Variants in CRYBG1 observed in about 807,000 individuals in gnomAD.
CRYBG1 encodes the protein beta/gamma crystallin domain-containing protein 1.
CRYBG1 carries 139 observed loss-of-function variants against 189.2 expected under a neutral mutation model. That is an observed-to-expected ratio of 0.73 (90% CI 0.64 to 0.85). The LOEUF (loss-of-function observed/expected upper bound fraction) is 0.85, where lower values mean the gene tolerates loss of function less well. Among genes scored for constraint, CRYBG1 ranks in the 40% least tolerant of loss-of-function variants. CRYBG1 has a pLI of 0.00. For missense variants in CRYBG1, 2,611 were observed against 2,675.8 expected, an observed-to-expected ratio of 0.98 and a Z score of 0.53; for synonymous variants, 1,023 against 1,017.1, an observed-to-expected ratio of 1.01 and a Z score of -0.11.
intron 21 of CRYBG1, among the ~76,000 whole-genome samples, 187 bp downstream of exon 21, chr6:106,564,113 C>T (rs1028451060): frequency 6.6e-6 from 1 of 152,082 alleles, no homozygotes; most frequent in Non-Finnish European, 1.5e-5. Context: ...TCACAGCCGC[C>T]CTATGAGGCC....
At chr6:106,543,628 T>C in intron 11 of CRYBG1, 31 bp downstream of exon 11, 1 of 1,584,662 alleles carries the variant, frequency 6.3e-7, no homozygotes, top group Non-Finnish European at 8.6e-7. Flanking sequence ...TTAGGATTTC[T>C]TTTTTTTCCG....
chr6:106,440,953 C>T (rs914327719), intron 1 of CRYBG1, among the ~76,000 whole-genome samples: 15 of 152,062 alleles, frequency 9.9e-5, no homozygotes, highest in East Asian at 3.8e-4. Context: ...TGATTTATAA[C>T]GATGTCCTTT....
chr6:106,446,873 C>G (rs1340613), intron 1 of CRYBG1, among the ~76,000 whole-genome samples: 2 of 152,064 alleles, frequency 1.3e-5, no homozygotes, highest in Non-Finnish European at 2.9e-5. Context: ...ACAGTCTTGC[C>G]GTTATTAATT....
chr6:106,437,955 A>C (rs958900236), intron 1 of CRYBG1, among the ~76,000 whole-genome samples: 5 of 152,250 alleles, frequency 3.3e-5, no homozygotes, highest in African/African-American at 1.2e-4. Flanking sequence ...ATTCTCTCTC[A>C]GTACTTCTTG....
chr6:106,446,597 T>C (rs886264070), intron 1 of CRYBG1, among the ~76,000 whole-genome samples: 1 of 152,230 alleles, frequency 6.6e-6, no homozygotes, highest in Non-Finnish European at 1.5e-5. Context: ...TTATTTAACT[T>C]GCCTTATATT....
intron 17 of CRYBG1, among the ~76,000 whole-genome samples, chr6:106,558,093 ACAT>A (rs1218409639): frequency 1.3e-5 from 2 of 152,220 alleles, no homozygotes; most frequent in East Asian, 3.8e-4. Flanking sequence ...AAGTGACTAA[ACAT>A]CAGATGCCAC....
At chr6:106,460,553 G>A (rs951956755) in intron 2 of CRYBG1, among the ~76,000 whole-genome samples, 3 of 152,022 alleles carry the variant, frequency 2.0e-5, no homozygotes, top group African/African-American at 7.2e-5. Flanking sequence ...TTATGGGGGT[G>A]GGGAATTGTG....
chr6:106,479,629 A>G (rs1369388829), intron 2 of CRYBG1, among the ~76,000 whole-genome samples: 1 of 152,194 alleles, frequency 6.6e-6, no homozygotes, highest in Admixed American at 6.5e-5. Context: ...GTGGGTGTGA[A>G]ATAGTATCTC....
intron 2 of CRYBG1, among the ~76,000 whole-genome samples, chr6:106,465,723 C>T (rs1160761499): frequency 1.3e-5 from 2 of 152,124 alleles, no homozygotes; most frequent in Non-Finnish European, 2.9e-5. Context: ...TATTATGTTG[C>T]TTTTTAAAAG....
intron 2 of CRYBG1, among the ~76,000 whole-genome samples, chr6:106,510,388 G>A (rs966454304): frequency 6.6e-6 from 1 of 152,190 alleles, no homozygotes; most frequent in African/African-American, 2.4e-5. Flanking sequence ...TGGCGGGTTT[G>A]CTTTTATTGG....
chr6:106,483,401 T>TATATATATATATATATATATATATATATA, intron 2 of CRYBG1, among the ~76,000 whole-genome samples: 1 of 95,712 alleles, frequency 1.0e-5, no homozygotes, highest in African/African-American at 3.0e-5. Flanking sequence ...GATATATATA[T>TATATATATATATATATATATATATATATA]AAAACATTTT....
intron 2 of CRYBG1, among the ~76,000 whole-genome samples, chr6:106,483,378 G>GTGTGTGTGTGTATATATATATA (rs1347885031): frequency 1.8e-5 from 2 of 113,692 alleles, no homozygotes; most frequent in African/African-American, 5.4e-5. Flanking sequence ...GTGTGTGTGT[G>GTGTGTGTGTGTATATATATATA]TATATATATA....
chr6:106,444,301 C>T (rs1225551982), intron 1 of CRYBG1, among the ~76,000 whole-genome samples: 1 of 152,166 alleles, frequency 6.6e-6, no homozygotes, highest in Non-Finnish European at 1.5e-5. Context: ...ACTTGTCCAA[C>T]TTGACTCTTA....
chr6:106,461,750 C>CG lies in CRYBG1; in HGVS notation c.312+9921dup, dbSNP rs1772011383. Among the ~76,000 whole-genome samples the CG allele has an allele frequency of 2.0e-5, 3 of 152,084 alleles. No homozygotes were observed. The South Asian group carries it at 6.2e-4, about 32-fold the overall frequency. Reference sequence around the variant, plus strand: ...TCCTACAAAACTTCCTGTTCTCTCTCGGGAAAAATAGGAAGGCTGATCCGA... The same window carrying CG: ...TCCTACAAAACTTCCTGTTCTCTCTCGGGGAAAAATAGGAAGGCTGATCCGA... On this transcript the variant is annotated intron_variant, in intron 2 of 21. Transcript: ENST00000633556.
At chr6:106,509,368 G>A (rs13220097) in intron 2 of CRYBG1, among the ~76,000 whole-genome samples, 36,387 of 152,146 alleles carry the variant, frequency 0.24, 5,361 homozygotes, top group South Asian at 0.37. Context: ...GTTTCCTTAG[G>A]AAGTTACAAT....
intron 1 of CRYBG1, among the ~76,000 whole-genome samples, chr6:106,369,154 C>A (rs1432052473): frequency 1.3e-5 from 2 of 152,168 alleles, no homozygotes; most frequent in Non-Finnish European, 2.9e-5. Context: ...CAAGGACATA[C>A]AAATGGGGCA....
At chr6:106,535,086 A>G (rs1374672676) in intron 8 of CRYBG1, among the ~76,000 whole-genome samples, 1 of 152,220 alleles carries the variant, frequency 6.6e-6, no homozygotes, top group Non-Finnish European at 1.5e-5. Flanking sequence ...TATACAGAAT[A>G]ATATATGTAT....
At chr6:106,376,994 A>T (rs1294945513) in intron 1 of CRYBG1, among the ~76,000 whole-genome samples, 1 of 152,210 alleles carries the variant, frequency 6.6e-6, no homozygotes, top group Non-Finnish European at 1.5e-5. Flanking sequence ...GGAACAGAGA[A>T]AAAGGAGCAA....
rs61739383 is a variant in CRYBG1 at position 106,520,796 on chromosome 6, G to A, written c.3588G>A (p.Gln1196=). ...GACCCAAACGTGCATCTGCTGAACA[G>A]AGCGTCCTCTTCAAGTCCCTGCACA... The part of the protein sequence containing the change: ...KLRPKRASAE[Q]SVLFKSLHTN... The change falls in exon 4 of 22, where the codon CAG becomes CAA. Residue 1196 remains glutamine (Q), a synonymous_variant. Transcript: ENST00000633556. 3.3e-3 allele frequency: 5,385 copies of A among 1,614,154 alleles called. 14 individuals carry two copies. Among genetic ancestry groups the A allele is most frequent in the Non-Finnish European group, 3.8e-3 (4,499 of 1,180,024 alleles).
Sources: allele counts gnomAD v4.1 joint callset (sites outside exome capture counted in the v4.1 genomes callset), GRCh38; gene constraint gnomAD v4.1.1; transcripts MANE v1.5; gene names NCBI Gene and HGNC (gene_info 2026-07-23, HGNC 2026-07-21).